PDSS2: variants seen among roughly 807,000 people sequenced by gnomAD.
PDSS2 encodes the protein all trans-polyprenyl-diphosphate synthase PDSS2.
PDSS2 carries 31 observed loss-of-function variants against 44.5 expected under a neutral mutation model. The ratio of observed to expected loss-of-function variants is 0.70; its 90% CI spans 0.52 to 0.94. The LOEUF (loss-of-function observed/expected upper bound fraction) is 0.94. Ranked by LOEUF, PDSS2 falls within the 40% of genes least tolerant of loss-of-function variation. PDSS2 has a pLI of 0.00. For synonymous variants in PDSS2, 157 were observed against 180.3 expected, an observed-to-expected ratio of 0.87 and a Z score of 1.03; for missense variants, 452 against 482.2, an observed-to-expected ratio of 0.94 and a Z score of 0.59.
chr6:107,332,106 CTTTT>C (rs11284721), intron 2 of PDSS2, among the ~76,000 whole-genome samples: 2 of 135,846 alleles, frequency 1.5e-5, no homozygotes. Flanking sequence ...ATAAGGTAAA[CTTTT>C]TTTTTTTTTT....
rs895659717 is a variant in PDSS2 at position 107,403,384 on chromosome 6, C to T, written c.296+55606G>A. Among the ~76,000 whole-genome samples the T allele has an allele frequency of 4.6e-5, 7 of 152,292 alleles. No homozygotes were observed. The South Asian group carries it at 1.0e-3, about 23-fold the overall frequency. On this transcript the variant is annotated intron_variant, in intron 1 of 7. Coordinates refer to ENST00000369037, the MANE Select transcript of PDSS2 (RefSeq NM_020381.4). ...CCCTCCCAGCTGCTTTCATGGCTGG[C>T]GCTGAGTGTCTGCAGCTTTTCCAGG...
chr6:107,338,510 T>C lies in PDSS2; in HGVS notation c.297-4178A>G, dbSNP rs150057822. Among the ~76,000 whole-genome samples, 9 of 152,288 alleles carry C rather than the reference T, an allele frequency of 5.9e-5. No individual in the cohort carries two copies. In the East Asian group the frequency reaches 9.6e-4, roughly 16 times the overall value. ...AAGATGTGGCCTCCCTTCTTGTGTATAGTAGTCTGGATTTAAAAATCACAA... is the reference window on the plus strand; with the variant it reads ...AAGATGTGGCCTCCCTTCTTGTGTACAGTAGTCTGGATTTAAAAATCACAA... On this transcript the variant is annotated intron_variant, in intron 1 of 7. Transcript: ENST00000369037.
At chr6:107,360,953 G>C (rs181360247) in intron 1 of PDSS2, among the ~76,000 whole-genome samples, 50 of 152,290 alleles carry the variant, frequency 3.3e-4, no homozygotes, top group Non-Finnish European at 5.1e-4. Flanking sequence ...TAGAGATACA[G>C]AGAAGTCTGA....
chr6:107,458,940 A>G, intron 1 of PDSS2, 50 bp downstream of exon 1: 4 of 1,576,202 alleles, frequency 2.5e-6, no homozygotes, highest in South Asian at 2.2e-5. Flanking sequence ...CGCCAGAAAA[A>G]AAAGTATTCC....
Position 107,422,952 on chromosome 6 carries a change from T to C in PDSS2, c.296+36038A>G, listed in dbSNP as rs76374745. Reference sequence around the variant, plus strand: ...CGATGCTAAAAGCACTACATAATTTTTTTTACTTCCATAGAAAAAATAAAA... The same window carrying C: ...CGATGCTAAAAGCACTACATAATTTCTTTTACTTCCATAGAAAAAATAAAA... On this transcript the variant is annotated intron_variant, in intron 1 of 7. Transcript: ENST00000369037. Among the ~76,000 whole-genome samples, 65 of 152,254 alleles carry C rather than the reference T, an allele frequency of 4.3e-4. No individual in the cohort carries two copies. The East Asian group carries it at 0.013, about 29-fold the overall frequency.
At chr6:107,453,139 G>A (rs918100914) in intron 1 of PDSS2, among the ~76,000 whole-genome samples, 4 of 151,094 alleles carry the variant, frequency 2.6e-5, no homozygotes, top group Non-Finnish European at 4.4e-5. Context: ...GTGCAGTCTC[G>A]GCTCACTGCA....
intron 1 of PDSS2, among the ~76,000 whole-genome samples, chr6:107,376,419 G>T (rs1223291133): frequency 6.6e-6 from 1 of 152,002 alleles, no homozygotes; most frequent in Non-Finnish European, 1.5e-5. Flanking sequence ...CCATTTGTTT[G>T]TATCCTCTTT....
chr6:107,185,664 G>C (rs1435987943), intron 7 of PDSS2, among the ~76,000 whole-genome samples: 1 of 152,128 alleles, frequency 6.6e-6, no homozygotes, highest in East Asian at 1.9e-4. Context: ...CAACATATTC[G>C]TTTTCTTTTA....
At chr6:107,195,481 CA>C (rs762125818) in intron 6 of PDSS2, among the ~76,000 whole-genome samples, 11,999 of 87,798 alleles carry the variant, frequency 0.14, 455 homozygotes, top group South Asian at 0.24. Context: ...GATCCTGTCT[CA>C]AAAAAAAAAA....
At chr6:107,312,216 C>T (rs1777066101) in intron 2 of PDSS2, among the ~76,000 whole-genome samples, 2 of 152,154 alleles carry the variant, frequency 1.3e-5, no homozygotes, top group Non-Finnish European at 2.9e-5. Context: ...ATTGCATCTC[C>T]CTTCACTCCC....
At chr6:107,240,922 T>G (rs911729869) in intron 4 of PDSS2, among the ~76,000 whole-genome samples, 1 of 152,144 alleles carries the variant, frequency 6.6e-6, no homozygotes, top group Non-Finnish European at 1.5e-5. Flanking sequence ...GAACAAAGGA[T>G]GAATTTCCTA....
chr6:107,233,506 C>A lies in PDSS2; in HGVS notation c.702+12042G>T, dbSNP rs184269633. On this transcript the variant is annotated intron_variant, in intron 4 of 7. Coordinates refer to ENST00000369037, the MANE Select transcript of PDSS2 (RefSeq NM_020381.4). ...GTACTATAGGATTCATGATAACAAA[C>A]AATTTAATTAGAATCCAGTGAGAGG... Among the ~76,000 whole-genome samples, 413 of 152,216 alleles carry A rather than the reference C, an allele frequency of 2.7e-3. 4 individuals are homozygous for A. Among genetic ancestry groups the A allele is most frequent in the African/African-American group, 8.9e-3 (368 of 41,532 alleles).
intron 7 of PDSS2, among the ~76,000 whole-genome samples, chr6:107,188,856 A>G (rs1355175568): frequency 2.0e-5 from 3 of 152,216 alleles, no homozygotes; most frequent in African/African-American, 7.2e-5. Context: ...AGATGTCAGC[A>G]CTATGCTTCT....
At chr6:107,176,028 A>G (rs1771773109) in intron 7 of PDSS2, among the ~76,000 whole-genome samples, 1 of 151,670 alleles carries the variant, frequency 6.6e-6, no homozygotes, top group Admixed American at 6.6e-5. Flanking sequence ...GGTTATTTTC[A>G]CTGCTTTTAT....
At chr6:107,353,981 G>A (rs1778510463) in intron 1 of PDSS2, among the ~76,000 whole-genome samples, 1 of 152,180 alleles carries the variant, frequency 6.6e-6, no homozygotes, top group South Asian at 2.1e-4. Context: ...ATGGTAAAGA[G>A]TGGTCATGTT....
chr6:107,241,803 T>C (rs12528138), intron 4 of PDSS2, among the ~76,000 whole-genome samples: 3,349 of 152,270 alleles, frequency 0.022, 188 homozygotes, highest in East Asian at 0.19. Flanking sequence ...TAAGCTGCCA[T>C]ATAGAAAACA....
At chr6:107,458,235 C>G (rs370119543) in intron 1 of PDSS2, among the ~76,000 whole-genome samples, 1 of 151,034 alleles carries the variant, frequency 6.6e-6, no homozygotes. Flanking sequence ...CCTGTAATCC[C>G]AGCACTTTGG....
intron 1 of PDSS2, among the ~76,000 whole-genome samples, chr6:107,370,340 A>G (rs1362657859): frequency 1.3e-5 from 2 of 152,210 alleles, no homozygotes; most frequent in African/African-American, 2.4e-5. Context: ...GCAACTCTTC[A>G]TTGAATCATT....
intron 2 of PDSS2, among the ~76,000 whole-genome samples, chr6:107,291,552 G>GGT (rs1243999324): frequency 4.1e-4 from 12 of 29,068 alleles, no homozygotes; most frequent in Non-Finnish European, 7.8e-4. Context: ...AAGTAGAGAC[G>GGT]GGGGGGTCTC....
Sources: allele counts gnomAD v4.1 joint callset (sites outside exome capture counted in the v4.1 genomes callset), GRCh38; gene constraint gnomAD v4.1.1; transcripts MANE v1.5; gene names NCBI Gene and HGNC (gene_info 2026-07-23, HGNC 2026-07-21).